Variants in LAPTM5 observed in about 807,000 individuals in gnomAD.
LAPTM5 encodes the protein lysosomal protein transmembrane 5, also known as lysosomal-associated transmembrane protein 5.
Under a neutral mutation model 30.1 loss-of-function variants are expected in LAPTM5, and 11 were observed. The ratio of observed to expected loss-of-function variants is 0.37; its 90% CI spans 0.23 to 0.60. The LOEUF is 0.60. LAPTM5 is among the 20% of genes least tolerant of loss of function. LAPTM5 has a pLI of 0.71. For synonymous variants in LAPTM5, 151 were observed against 137.9 expected (o/e 1.10, Z -0.67); for missense variants, 324 against 332.5 (o/e 0.97, Z 0.20).
chr1:30,735,316 C>T (rs1436702272), intron 6 of LAPTM5, 51 bp from the exon 7 acceptor site: 3 of 1,469,086 alleles, frequency 2.0e-6, no homozygotes, highest in South Asian at 2.3e-5. Context: ...CCTTCTCACG[C>T]TCCAGCAGGC....
chr1:30,751,558 G>A (rs1463929193), intron 1 of LAPTM5, among the ~76,000 whole-genome samples: 1 of 152,194 alleles, frequency 6.6e-6, no homozygotes, highest in Non-Finnish European at 1.5e-5. Flanking sequence ...GGCCAACATG[G>A]TGAAACCCCA....
At chr1:30,747,019 A>G (rs1470457297) in intron 1 of LAPTM5, among the ~76,000 whole-genome samples, 2 of 152,298 alleles carry the variant, frequency 1.3e-5, no homozygotes, top group Admixed American at 6.5e-5. Flanking sequence ...CCGGTGTCAC[A>G]GTCTCCAGGG....
intron 1 of LAPTM5, among the ~76,000 whole-genome samples, chr1:30,752,629 C>A (rs1005353884): frequency 6.6e-6 from 1 of 152,234 alleles, no homozygotes; most frequent in African/African-American, 2.4e-5. Flanking sequence ...TCTGTGCCCC[C>A]ATCATAGCCA....
chr1:30,744,727 T>TGCTGTTCTG (rs1640019270), intron 1 of LAPTM5, among the ~76,000 whole-genome samples: 1 of 152,108 alleles, frequency 6.6e-6, no homozygotes, highest in Non-Finnish European at 1.5e-5. Flanking sequence ...AGTCTCCCAG[T>TGCTGTTCTG]GCTGTTCTGA....
chr1:30,754,611 G>T (rs1344842521), intron 1 of LAPTM5, among the ~76,000 whole-genome samples: 3 of 152,162 alleles, frequency 2.0e-5, no homozygotes, highest in African/African-American at 7.2e-5. Flanking sequence ...AAAAAGAATA[G>T]ATTTTTTAAA....
At chr1:30,751,909 G>C (rs1640144179) in intron 1 of LAPTM5, among the ~76,000 whole-genome samples, 1 of 152,158 alleles carries the variant, frequency 6.6e-6, no homozygotes, top group Non-Finnish European at 1.5e-5. Context: ...TAACAAAGGT[G>C]CCCGCCTGCT....
intron 1 of LAPTM5, among the ~76,000 whole-genome samples, chr1:30,745,548 C>T (rs147602366): frequency 2.0e-5 from 3 of 152,314 alleles, no homozygotes; most frequent in African/African-American, 7.2e-5. Flanking sequence ...TTCTCAACAA[C>T]CCTGCGGCAG....
chr1:30,739,906 G>C lies in LAPTM5; in HGVS notation c.290C>G (p.Ser97Cys). 1 of 1,605,048 alleles carries C rather than the reference G, an allele frequency of 6.2e-7. No individual in the cohort carries two copies. The highest frequency in any genetic ancestry group is 8.5e-7 in the Non-Finnish European group (1 of 1,174,700). The change falls in exon 4 of 8, where the codon TCC becomes TGC. Residue 97 changes from serine to cysteine, a missense_variant. By Grantham distance (112) the Ser-to-Cys change is moderately radical. Transcript: ENST00000294507. This position sits in a 1 kb window ranked among gnomAD's most constrained non-coding sequence, Gnocchi z 4.2. ...CAGGAGATAGTCCATGATTTGCAGG[G>C]ACAGGAAGGGCAGCAGGTACTTCTC... ...NREKYLLPFL[S>C]LQIMDYLLCL...
intron 3 of LAPTM5, 74 bp downstream of exon 3, chr1:30,741,565 AC>A: frequency 2.6e-6 from 3 of 1,170,334 alleles, no homozygotes; most frequent in Non-Finnish European, 2.4e-6. Flanking sequence ...CCCTCTCAGC[AC>A]CCAGCACTGC....
chr1:30,740,425 C>T (rs923876757), intron 3 of LAPTM5, among the ~76,000 whole-genome samples: 9 of 143,900 alleles, frequency 6.3e-5, no homozygotes, highest in African/African-American at 2.1e-4. Flanking sequence ...CTCCCCACCA[C>T]GCCCCGCATA....
At chr1:30,744,291 GA>G (rs928064654) in intron 1 of LAPTM5, among the ~76,000 whole-genome samples, 18 of 152,026 alleles carry the variant, frequency 1.2e-4, no homozygotes, top group African/African-American at 4.3e-4. Flanking sequence ...AGCCCTGAGA[GA>G]AAAAAACTCC....
In LAPTM5 at chr1:30,738,322, C is replaced by T. The variant is rs564402868; in HGVS notation, c.510+618G>A. 1.9e-4 allele frequency among the ~76,000 whole-genome samples: 29 copies of T among 152,284 alleles called. No homozygotes were observed. The South Asian group carries it at 3.7e-3, about 20-fold the overall frequency. On this transcript the variant is annotated intron_variant, in intron 5 of 7. Transcript: ENST00000294507. ...CCTTGCTTATCTCTTACATCACTCC[C>T]GCAGGGGAAGCCAGCAGCCATGTCA...
intron 1 of LAPTM5, among the ~76,000 whole-genome samples, chr1:30,757,456 C>A (rs553789022): frequency 7.9e-5 from 12 of 152,196 alleles, no homozygotes; most frequent in Non-Finnish European, 1.3e-4. Flanking sequence ...CTCACTCTTG[C>A]GGCATCTCCC....
At chr1:30,751,046 T>C (rs1640131050) in intron 1 of LAPTM5, among the ~76,000 whole-genome samples, 1 of 152,262 alleles carries the variant, frequency 6.6e-6, no homozygotes, top group Admixed American at 6.5e-5. Context: ...TCCAGGCTGA[T>C]GCTCTAGGCT....
In LAPTM5 at chr1:30,735,278, C is replaced by T; in HGVS notation, c.607-13G>A. The stretch of plus-strand genomic sequence containing the variant: ...TGAACATGTAGACCTGGAAAAAGGC[C>T]CAGGTCAGGCTGTGCTTTGCTGAGC... On this transcript the variant is annotated splice_polypyrimidine_tract_variant and intron_variant, in intron 6 of 7. Coordinates refer to ENST00000294507, the MANE Select transcript of LAPTM5 (RefSeq NM_006762.3). 12 of 1,611,906 alleles carry T rather than the reference C, an allele frequency of 7.4e-6. No individual in the cohort carries two copies. The highest frequency in any genetic ancestry group is 1.1e-5 in the South Asian group (1 of 91,034).
At chr1:30,743,862 CT>C (rs1279153766) in intron 1 of LAPTM5, among the ~76,000 whole-genome samples, 1 of 143,300 alleles carries the variant, frequency 7.0e-6, no homozygotes, top group Non-Finnish European at 1.5e-5. Context: ...ACATTACATC[CT>C]GTTTAGGGGC....
chr1:30,750,572 T>C (rs1026798090), intron 1 of LAPTM5, among the ~76,000 whole-genome samples: 1 of 152,164 alleles, frequency 6.6e-6, no homozygotes, highest in African/African-American at 2.4e-5. Context: ...GCAGGTAAAA[T>C]TGAAATCAGC....
chr1:30,739,616 T>C lies in LAPTM5; in HGVS notation c.387+193A>G, dbSNP rs542439805. 6.6e-6 allele frequency among the ~76,000 whole-genome samples: 1 copy of C among 152,232 alleles called. No individual in the cohort carries two copies. Among genetic ancestry groups the C allele is most frequent in the East Asian group, 1.9e-4 (1 of 5,182 alleles). On this transcript the variant is annotated intron_variant, in intron 4 of 7. Coordinates refer to ENST00000294507, the MANE Select transcript of LAPTM5 (RefSeq NM_006762.3). This position sits in a 1 kb window ranked among gnomAD's most constrained non-coding sequence, Gnocchi z 4.2. ...CATAAGGCAGGCTGATGAGATGTGA[T>C]TGCAGGTACATTCCACAGAGGAAGA...
intron 1 of LAPTM5, among the ~76,000 whole-genome samples, chr1:30,755,060 C>G (rs1431704751): frequency 6.6e-6 from 1 of 152,196 alleles, no homozygotes; most frequent in Non-Finnish European, 1.5e-5. Context: ...GATAACCCCC[C>G]ACTGGAGTCA....
Sources: gnomAD v4.1 joint callset for allele counts (sites outside exome capture counted in the v4.1 genomes callset) on GRCh38, gnomAD v4.1.1 for gene constraint, Gnocchi (gnomAD v3.1) non-coding constraint, MANE v1.5 for transcripts, NCBI Gene and HGNC (gene_info 2026-07-23, HGNC 2026-07-21) for gene names.